FHOD1: variants seen among roughly 807,000 people sequenced by gnomAD.
FHOD1 encodes formin homology 2 domain containing 1.
A neutral mutation model predicts 111.6 loss-of-function variants in FHOD1; 89 were observed. The observed-to-expected ratio is 0.80, with a 90% CI of 0.67 to 0.95. The LOEUF (loss-of-function observed/expected upper bound fraction) is 0.95, where lower values mean the gene tolerates loss of function less well. Ranked by LOEUF, FHOD1 falls within the 40% of genes least tolerant of loss-of-function variation. FHOD1 has a pLI of 0.00. For missense variants in FHOD1, 1,446 were observed against 1,554.2 expected (o/e 0.93, Z 1.17); for synonymous variants, 618 against 639.0 (o/e 0.97, Z 0.50).
In FHOD1 at chr16:67,238,150, G is replaced by C. The variant is rs1472828786; in HGVS notation, c.548-22C>G. On this transcript the variant is annotated intron_variant, in intron 5 of 21. Transcript: ENST00000258201. The surrounding 1 kb of genome is among the most constrained non-coding windows in gnomAD (Gnocchi z 4.2). ...AGCGCTGGGGAAACAGGGATGGGCAGAGTCAGCGAGGGTCGCTGGAGCAGA... is the reference window on the plus strand; with the variant it reads ...AGCGCTGGGGAAACAGGGATGGGCACAGTCAGCGAGGGTCGCTGGAGCAGA... 3 of 1,614,052 alleles carry C rather than the reference G, an allele frequency of 1.9e-6. No individual in the cohort carries two copies. Among genetic ancestry groups the C allele is most frequent in the Non-Finnish European group, 2.5e-6 (3 of 1,179,974 alleles).
chr16:67,245,496 G>A (rs2034784819), intron 1 of FHOD1, among the ~76,000 whole-genome samples: 1 of 152,122 alleles, frequency 6.6e-6, no homozygotes, highest in African/African-American at 2.4e-5. Flanking sequence ...CTTAATCCCA[G>A]CACTTTGGGA....
chr16:67,230,807 G>A lies in FHOD1; in HGVS notation c.2668-16C>T. The A allele has an allele frequency of 6.4e-7, 1 of 1,572,288 alleles. No individual in the cohort carries two copies. The highest frequency in any genetic ancestry group is 8.6e-7 in the Non-Finnish European group (1 of 1,159,134). The stretch of plus-strand genomic sequence containing the variant: ...CAAAGTCCACCTGAGAAAGCAAGGG[G>A]GTGCACATACTGTCCCCCCACACCC... On this transcript the variant is annotated splice_polypyrimidine_tract_variant and intron_variant, in intron 17 of 21. Coordinates refer to ENST00000258201, the MANE Select transcript of FHOD1 (RefSeq NM_013241.3).
rs1037391647 is a variant in FHOD1 at position 67,238,763 on chromosome 16, A to C, written c.373+140T>G. 2.5e-6 allele frequency: 2 copies of C among 813,674 alleles called. No homozygotes were observed. The highest frequency in any genetic ancestry group is 4.1e-6 in the Non-Finnish European group (2 of 482,472). The allele number at this position is 813,674 out of a possible 1,614,324, so 50.4% of individuals were successfully genotyped here. A position where few individuals can be genotyped will look rare whatever the true frequency, so the allele number is the denominator to read the frequency against. Reference sequence around the variant, plus strand: ...CCCTCCACTCCCACCATGGCCCTGGAAGAAGAGGTCAGGATAGGGAGAGGA... The same window carrying C: ...CCCTCCACTCCCACCATGGCCCTGGCAGAAGAGGTCAGGATAGGGAGAGGA... On this transcript the variant is annotated intron_variant, in intron 3 of 21. Coordinates refer to ENST00000258201, the MANE Select transcript of FHOD1 (RefSeq NM_013241.3). This position sits in a 1 kb window ranked among gnomAD's most constrained non-coding sequence, Gnocchi z 4.2.
Position 67,237,014 on chromosome 16 carries a change from C to T in FHOD1, c.1094G>A (p.Arg365His). Residue 365 changes from arginine to histidine, a missense_variant, in exon 10 of 22, where the codon CGC (arginine) becomes CAC (histidine). By Grantham distance (29) the Arg-to-His change is conservative. Transcript: ENST00000258201. This position sits in a 1 kb window ranked among gnomAD's most constrained non-coding sequence, Gnocchi z 5.6. ...KPSSEEGKRS[R>H]RSLEGGGCPA... The stretch of plus-strand genomic sequence containing the variant: ...GCAGCCCCCGCCTTCCAGAGAACGG[C>T]GGCTCCTCTTGCCCTCCTCAGAAGA... 2 of 1,610,870 alleles carry T rather than the reference C, an allele frequency of 1.2e-6. No homozygotes were observed. Among genetic ancestry groups the T allele is most frequent in the South Asian group, 1.1e-5 (1 of 90,812 alleles).
In FHOD1 at chr16:67,229,783, G is replaced by A; in HGVS notation, c.3412+10C>T. 1 of 1,614,180 alleles carries A rather than the reference G, an allele frequency of 6.2e-7. No individual in the cohort carries two copies. The highest frequency in any genetic ancestry group is 8.5e-7 in the Non-Finnish European group (1 of 1,180,010). On this transcript the variant is annotated intron_variant, in intron 21 of 21. Coordinates refer to ENST00000258201, the MANE Select transcript of FHOD1 (RefSeq NM_013241.3). ...TCAGGTGGGCAGTGGGATTGTGGGG[G>A]GTTACTTACAAGACTTGCGGTTGCC...
Position 67,231,740 on chromosome 16 carries a change from A to G in FHOD1, c.2282T>C (p.Leu761Pro), listed in dbSNP as rs777568988. 6.2e-7 allele frequency: 1 copy of G among 1,613,998 alleles called. No individual in the cohort carries two copies. The highest frequency in any genetic ancestry group is 1.7e-5 in the Admixed American group (1 of 59,998). The change falls in exon 15 of 22, where the codon CTG (leucine) becomes CCG (proline). Residue 761 changes from leucine to proline, a missense_variant. This residue lies in a region of FHOD1 where 1,085 missense variants were observed against 1,108.8 expected (regional missense o/e 0.98). Coordinates refer to ENST00000258201, the MANE Select transcript of FHOD1 (RefSeq NM_013241.3). The surrounding 1 kb of genome is among the most constrained non-coding windows in gnomAD (Gnocchi z 4.3). Reference protein sequence around the residue: ...EAQLANPDIPLGPAENFLMTL... With the variant: ...EAQLANPDIPPGPAENFLMTL... ...CATCAGGAAGTTCTCGGCTGGGCCC[A>G]GGGGTATGTCAGGGTTGGCCAGCTG...
At chr16:67,233,422 C>T (rs926042048) in intron 13 of FHOD1, among the ~76,000 whole-genome samples, 5 of 152,186 alleles carry the variant, frequency 3.3e-5, no homozygotes, top group Non-Finnish European at 5.9e-5. Context: ...CTATGTTGCA[C>T]AGGCTGGTCT....
In FHOD1 at chr16:67,237,955, T is replaced by C. The variant is rs3852700; in HGVS notation, c.642+79A>G. On this transcript the variant is annotated intron_variant, in intron 6 of 21. Coordinates refer to ENST00000258201, the MANE Select transcript of FHOD1 (RefSeq NM_013241.3). The surrounding 1 kb of genome is among the most constrained non-coding windows in gnomAD (Gnocchi z 5.6). ...GGCCTCAGACTCACTCCCTTCCAGC[T>C]CACTTTGCAGAACAGGAAACTGAGG... 0.11 allele frequency: 161,004 copies of C among 1,495,948 alleles called. 20,899 individuals are homozygous for C. The highest frequency in any genetic ancestry group is 0.64 in the African/African-American group (46,634 of 72,440). The allele number at this position is 1,495,948 out of a possible 1,614,324, so 92.7% of individuals were successfully genotyped here. A position where few individuals can be genotyped will look rare whatever the true frequency, so the allele number is the denominator to read the frequency against.
chr16:67,237,605 A>G lies in FHOD1; in HGVS notation c.755-36T>C. ...GAAAGTGGAGCAGTCATGGGGGAAC[A>G]GGTAGGAGAGAGGGCTCTGAGCGGT... On this transcript the variant is annotated intron_variant, in intron 7 of 21. Transcript: ENST00000258201. The surrounding 1 kb of genome is among the most constrained non-coding windows in gnomAD (Gnocchi z 5.6). 6.2e-7 allele frequency: 1 copy of G among 1,613,296 alleles called. No individual in the cohort carries two copies. The highest frequency in any genetic ancestry group is 8.5e-7 in the Non-Finnish European group (1 of 1,179,206).
At chr16:67,233,318 T>G (rs2034349409) in intron 13 of FHOD1, among the ~76,000 whole-genome samples, 1 of 152,092 alleles carries the variant, frequency 6.6e-6, no homozygotes, top group Non-Finnish European at 1.5e-5. Flanking sequence ...ACTCCTGACC[T>G]CAAATGATCC....
At position 67,237,889 on chromosome 16, in the gene FHOD1, G is replaced by A; in HGVS notation, c.643-121C>T. 1 of 1,310,844 alleles carries A rather than the reference G, an allele frequency of 7.6e-7. No homozygotes were observed. The highest frequency in any genetic ancestry group is 1.1e-6 in the Non-Finnish European group (1 of 918,992). 81.2% of individuals were successfully genotyped at this position (1,310,844 alleles called of 1,614,324 possible). ...AGAGAATCTAGGCAGAATGACCCTG[G>A]CCCCAGGCCCAGGCACTGAAGTGCC... is the stretch of plus-strand genomic sequence containing the variant. On this transcript the variant is annotated intron_variant, in intron 6 of 21. Transcript: ENST00000258201. This position sits in a 1 kb window ranked among gnomAD's most constrained non-coding sequence, Gnocchi z 5.6.
rs2034470677 is a variant in FHOD1 at position 67,236,255 on chromosome 16, TGGAA to T, written c.1319+298_1319+301del. Among the ~76,000 whole-genome samples, 2 of 152,114 alleles carry T rather than the reference TGGAA, an allele frequency of 1.3e-5. 1 individual carries two copies. The highest frequency in any genetic ancestry group is 4.2e-4 in the South Asian group (2 of 4,810). On this transcript the variant is annotated intron_variant, in intron 11 of 21. Coordinates refer to ENST00000258201, the MANE Select transcript of FHOD1 (RefSeq NM_013241.3). ...ACTGACGTGGAGCAGGACAGGGTGC[TGGAA>T]GAGACAGAGGCAGCAGAACAAGGGA...
chr16:67,246,604 G>A (rs1039268404), intron 1 of FHOD1, among the ~76,000 whole-genome samples: 1 of 152,190 alleles, frequency 6.6e-6, no homozygotes, highest in Non-Finnish European at 1.5e-5. Context: ...TGACTCAAAG[G>A]GCTTTTACAC....
chr16:67,235,185 T>A (rs1338485663), intron 11 of FHOD1, among the ~76,000 whole-genome samples: 2 of 152,166 alleles, frequency 1.3e-5, no homozygotes, highest in Non-Finnish European at 2.9e-5. Context: ...TATCAGGCTG[T>A]CCCTCCCTTG....
rs755729329 is a variant in FHOD1 at position 67,234,464 on chromosome 16, A to G, written c.1328T>C (p.Phe443Ser). Residue 443 changes from phenylalanine to serine, a missense_variant, in exon 12 of 22, where the codon TTC becomes TCC. Physicochemically the swap from Phe to Ser is radical, Grantham distance 155 (BLOSUM62 -2). Around this residue, in one of 3 missense-constraint regions of FHOD1, gnomAD observed 1,085 missense variants for 1,108.8 expected, o/e 0.98. Transcript: ENST00000258201. Reference sequence around the variant, plus strand: ...TTCTGCTGCCGCCACATTCTCCAGGAACCGGGCTCTGAGGGAAGGTGCTTG... The same window carrying G: ...TTCTGCTGCCGCCACATTCTCCAGGGACCGGGCTCTGAGGGAAGGTGCTTG... ...SSERSIYKAR[F>S]LENVAAAETE... The G allele has an allele frequency of 7.5e-6, 12 of 1,590,012 alleles. No homozygotes were observed.
chr16:67,236,702 T>G lies in FHOD1; in HGVS notation c.1174A>C (p.Thr392Pro), dbSNP rs1597324123. The change falls in exon 11 of 22, where the codon ACC (threonine) becomes CCC (proline). Residue 392 changes from threonine to proline, a missense_variant. Thr to Pro is a conservative substitution (Grantham distance 38). Transcript: ENST00000258201. Reference protein sequence around the residue: ...PTGPASPVGPTSSTGPALLTG... With the variant: ...PTGPASPVGPPSSTGPALLTG... ...AGCAGGGCGGGGCCGGTGGAAGAGG[T>G]GGGGCCTACCGGTGAGGCGGGGCCT... 6.6e-7 allele frequency: 1 copy of G among 1,522,368 alleles called. No individual in the cohort carries two copies. The allele number at this position is 1,522,368 out of a possible 1,614,324, so 94.3% of individuals were successfully genotyped here.
At chr16:67,234,297 A>G (rs1021823768) in intron 12 of FHOD1, 30 bp from the exon 13 acceptor site, 1 of 1,595,122 alleles carries the variant, frequency 6.3e-7, no homozygotes. Context: ...TGTCAGTGCC[A>G]TGCCCCCTGT....
At position 67,230,471 on chromosome 16, in the gene FHOD1, G is replaced by A. The variant is rs140269091; in HGVS notation, c.2894C>T (p.Pro965Leu). The change falls in exon 19 of 22, where the codon CCG (proline) becomes CTG (leucine). Residue 965 changes from proline (P) to leucine (L), a missense_variant. Transcript: ENST00000258201. The stretch of plus-strand genomic sequence containing the variant: ...GATGCGCACTTCACGGGCCGCCTGC[G>A]GGGTGTAGCCCAGGTAGAGCAGGAA... ...HAFLLYLGYT[P>L]QAAREVRIMQ... is the part of the protein sequence containing the mutation. 52 of 1,614,252 alleles carry A rather than the reference G, an allele frequency of 3.2e-5. No individual in the cohort carries two copies. The highest frequency in any genetic ancestry group is 1.5e-4 in the Admixed American group (9 of 60,038).
chr16:67,239,313 G>T, intron 2 of FHOD1, 35 bp downstream of exon 2: 2 of 1,529,134 alleles, frequency 1.3e-6, no homozygotes, highest in Non-Finnish European at 1.8e-6. Context: ...CAAGGGTGGG[G>T]GTAACCTTGC....
Sources: allele counts gnomAD v4.1 joint callset (sites outside exome capture counted in the v4.1 genomes callset), GRCh38; gene constraint gnomAD v4.1.1; regional missense constraint gnomAD v4.1.1; non-coding constraint Gnocchi (gnomAD v3.1); transcripts MANE v1.5; gene names NCBI Gene and HGNC (gene_info 2026-07-23, HGNC 2026-07-21).